Variants in OR7G3 observed in about 807,000 individuals in gnomAD.
The protein encoded by OR7G3 is olfactory receptor 7G3.
For synonymous variants in OR7G3, 143 were observed against 157.6 expected (o/e 0.91, Z 0.69); for missense variants, 352 against 372.1 (o/e 0.95, Z 0.44).
chr19:9,126,664 C>T lies in OR7G3; in HGVS notation c.287G>A (p.Gly96Asp), dbSNP rs751858999. ...GACAAAGCAGATTTGGGTGAGGCAG[C>T]CTGTGTAATTGATGGATTGAGCCTG... ...QAQAQSINYTGCLTQICFVLV... is the reference protein window; with the variant it reads ...QAQAQSINYTDCLTQICFVLV... The change falls in exon 1 of 1, where the codon GGC (glycine) becomes GAC (aspartate). Residue 96 changes from glycine (G) to aspartate (D), a missense_variant. Physicochemically the swap from Gly to Asp is moderately conservative, Grantham distance 94. Coordinates refer to ENST00000305444, the MANE Select transcript of OR7G3 (RefSeq NM_001001958.1). 6.2e-7 allele frequency: 1 copy of T among 1,614,084 alleles called. No individual in the cohort carries two copies. Among genetic ancestry groups the T allele is most frequent in the Non-Finnish European group, 8.5e-7 (1 of 1,180,020 alleles).
chr19:9,126,842 C>T lies in OR7G3; in HGVS notation c.109G>A (p.Ala37Thr). 1 of 1,613,830 alleles carries T rather than the reference C, an allele frequency of 6.2e-7. No individual in the cohort carries two copies. Among genetic ancestry groups the T allele is most frequent in the South Asian group, 1.1e-5 (1 of 91,066 alleles). The change falls in exon 1 of 1, where the codon GCC becomes ACC. Residue 37 changes from alanine (A) to threonine (T), a missense_variant. By Grantham distance (58) the Ala-to-Thr change is moderately conservative. Coordinates refer to ENST00000305444, the MANE Select transcript of OR7G3 (RefSeq NM_001001958.1). Reference protein sequence around the residue: ...LFMLFLSMYLATMLGNLLIIL... With the variant: ...LFMLFLSMYLTTMLGNLLIIL... Reference sequence around the variant, plus strand: ...ATGAGCAGGTTCCCCAGCATTGTGGCCAGGTACATGGACAGGAACAGCATG... The same window carrying T: ...ATGAGCAGGTTCCCCAGCATTGTGGTCAGGTACATGGACAGGAACAGCATG...
In OR7G3 at chr19:9,126,762, G is replaced by A; in HGVS notation, c.189C>T (p.Leu63=). The A allele has an allele frequency of 1.9e-6, 3 of 1,613,934 alleles. No individual in the cohort carries two copies. Among genetic ancestry groups the A allele is most frequent in the Non-Finnish European group, 8.5e-7 (1 of 1,179,878 alleles). ...AGATGTCGACCAAGGACAGGATAGA[G>A]AGGAGGAAGTACATGGGGGTGTGGA... is the stretch of plus-strand genomic sequence containing the variant. ...SHLHTPMYFL[L]SILSLVDICF... is the part of the protein sequence containing the mutation. Residue 63 remains leucine, a synonymous_variant, in exon 1 of 1, where the codon CTC becomes CTT. Transcript: ENST00000305444.
In OR7G3 at chr19:9,126,017, G is replaced by A. The variant is rs758913681; in HGVS notation, c.934C>T (p.His312Tyr). 1.3e-6 allele frequency: 2 copies of A among 1,563,394 alleles called. No individual in the cohort carries two copies. The highest frequency in any genetic ancestry group is 1.7e-6 in the Non-Finnish European group (2 of 1,157,840). ...AAGCCCAAGAAGCTGAGACATCAAT[G>A]GAAAGATGGTATCCTAGATATTAGT... is the stretch of plus-strand genomic sequence containing the variant. Reference protein sequence around the residue: ...RKLISRIPSFH With the variant: ...RKLISRIPSFY The change falls in exon 1 of 1, where the codon CAT becomes TAT. Residue 312 changes from histidine (H) to tyrosine (Y), a missense_variant. His to Tyr is a moderately conservative substitution (Grantham distance 83). Coordinates refer to ENST00000305444, the MANE Select transcript of OR7G3 (RefSeq NM_001001958.1).
Position 9,126,356 on chromosome 19 carries a change from C to A in OR7G3, c.595G>T (p.Val199Leu). ...CCTAACAGGCTGGTCACCAAATACA[C>A]CAGGATGTTATTGATGAGGACATCA... ...CSDVLINNIL[V>L]YLVTSLLGVV... is the part of the protein sequence containing the mutation. Residue 199 changes from valine to leucine, a missense_variant, in exon 1 of 1, where the codon GTG becomes TTG. By Grantham distance (32) the Val-to-Leu change is conservative (BLOSUM62 1). Coordinates refer to ENST00000305444, the MANE Select transcript of OR7G3 (RefSeq NM_001001958.1). 6.2e-7 allele frequency: 1 copy of A among 1,614,024 alleles called. No individual in the cohort carries two copies. The highest frequency in any genetic ancestry group is 8.5e-7 in the Non-Finnish European group (1 of 1,179,942).
Position 9,126,702 on chromosome 19 carries a change from C to T in OR7G3, c.249G>A (p.Val83=), listed in dbSNP as rs748190024. Residue 83 remains valine, a synonymous_variant, in exon 1 of 1, where the codon GTG becomes GTA. Coordinates refer to ENST00000305444, the MANE Select transcript of OR7G3 (RefSeq NM_001001958.1). ...TGGATTGAGCCTGTGCCTGGATGTT[C>T]ACCAGCATCTTGGGCATCGTGGTGG... ...FTSTTMPKML[V]NIQAQAQSIN... 2.5e-6 allele frequency: 4 copies of T among 1,614,130 alleles called. No individual in the cohort carries two copies. Among genetic ancestry groups the T allele is most frequent in the Non-Finnish European group, 3.4e-6 (4 of 1,180,016 alleles).
rs2145924340 is a variant in OR7G3 at position 9,126,311 on chromosome 19, T to C, written c.640A>G (p.Ile214Val). 2 of 1,614,076 alleles carry C rather than the reference T, an allele frequency of 1.2e-6. No individual in the cohort carries two copies. Among genetic ancestry groups the C allele is most frequent in the Non-Finnish European group, 1.7e-6 (2 of 1,180,002 alleles). Residue 214 changes from isoleucine to valine, a missense_variant, in exon 1 of 1, where the codon ATC (isoleucine) becomes GTC (valine). Physicochemically the swap from Ile to Val is conservative, Grantham distance 29 (BLOSUM62 3). Coordinates refer to ENST00000305444, the MANE Select transcript of OR7G3 (RefSeq NM_001001958.1). Reference sequence around the variant, plus strand: ...ACAATTCGTGTGTAAGAGAAAATGATCCCAGAGAGAGGAACAACACCTAAC... The same window carrying C: ...ACAATTCGTGTGTAAGAGAAAATGACCCCAGAGAGAGGAACAACACCTAAC... ...SLLGVVPLSG[I>V]IFSYTRIVSS...
At position 9,126,131 on chromosome 19, in the gene OR7G3, C is replaced by G. The variant is rs544896797; in HGVS notation, c.820G>C (p.Ala274Pro). ...GTGACCACGGTATACATCACTGATG[C>G]TATTGCACCCTTCCTGGAGGAGTGG... is the stretch of plus-strand genomic sequence containing the variant. ...ATHSSRKGAIASVMYTVVTPM... is the reference protein window; with the variant it reads ...ATHSSRKGAIPSVMYTVVTPM... Residue 274 changes from alanine to proline, a missense_variant, in exon 1 of 1, where the codon GCA becomes CCA. Coordinates refer to ENST00000305444, the MANE Select transcript of OR7G3 (RefSeq NM_001001958.1). The G allele has an allele frequency of 2.2e-5, 36 of 1,614,058 alleles. No individual in the cohort carries two copies. The highest frequency in any genetic ancestry group is 3.0e-5 in the Non-Finnish European group (35 of 1,180,016).
rs200054594 is a variant in OR7G3, at chr19:9,126,550, A to C, written c.401T>G (p.Val134Gly). 1 of 1,614,206 alleles carries C rather than the reference A, an allele frequency of 6.2e-7. No homozygotes were observed. Among genetic ancestry groups the C allele is most frequent in the South Asian group, 1.1e-5 (1 of 91,086 alleles). ...CCCACAGAGTTTGGGGTTCATGATG[A>C]CATTGTACCTCAGTGGGTGACAGAT... ...VAICHPLRYN[V>G]IMNPKLCGLL... Residue 134 changes from valine (V) to glycine (G), a missense_variant, in exon 1 of 1, where the codon GTC becomes GGC. By Grantham distance (109) the Val-to-Gly change is moderately radical. Coordinates refer to ENST00000305444, the MANE Select transcript of OR7G3 (RefSeq NM_001001958.1).
chr19:9,126,808 G>T lies in OR7G3; in HGVS notation c.143C>A (p.Ala48Asp), dbSNP rs1357014022. The T allele has an allele frequency of 1.2e-6, 2 of 1,613,898 alleles. No individual in the cohort carries two copies. The highest frequency in any genetic ancestry group is 1.7e-6 in the Non-Finnish European group (2 of 1,180,018). The change falls in exon 1 of 1, where the codon GCC becomes GAC. Residue 48 changes from alanine (A) to aspartate (D), a missense_variant. Physicochemically the swap from Ala to Asp is moderately radical, Grantham distance 126. Transcript: ENST00000305444. ...GTGGAGGTGGGAGTCAGAGTTGACG[G>T]CCAGGATGATGAGCAGGTTCCCCAG... Reference protein sequence around the residue: ...TMLGNLLIILAVNSDSHLHTP... With the variant: ...TMLGNLLIILDVNSDSHLHTP...
In OR7G3 at chr19:9,126,889, G is replaced by A. The variant is rs779226005; in HGVS notation, c.62C>T (p.Pro21Leu). The A allele has an allele frequency of 4.5e-5, 73 of 1,610,968 alleles. No homozygotes were observed. The Admixed American group carries it at 9.4e-4, about 21-fold the overall frequency. Reference sequence around the variant, plus strand: ...CATGAAGAGGATGGGCTGCAGCTCCGGATCCCCTGACAATCCCAAGAGAAA... The same window carrying A: ...CATGAAGAGGATGGGCTGCAGCTCCAGATCCCCTGACAATCCCAAGAGAAA... ...EFFLLGLSGD[P>L]ELQPILFMLF... The change falls in exon 1 of 1, where the codon CCG (proline) becomes CTG (leucine). Residue 21 changes from proline (P) to leucine (L), a missense_variant. Coordinates refer to ENST00000305444, the MANE Select transcript of OR7G3 (RefSeq NM_001001958.1).
Position 9,126,468 on chromosome 19 carries a change from C to T in OR7G3, c.483G>A (p.Leu161=), listed in dbSNP as rs1190539744. 6.2e-7 allele frequency: 1 copy of T among 1,614,092 alleles called. No individual in the cohort carries two copies. Among genetic ancestry groups the T allele is most frequent in the Non-Finnish European group, 8.5e-7 (1 of 1,179,960 alleles). The stretch of plus-strand genomic sequence containing the variant: ...TGCAGAAGGTCAGCTGTAGCACCAT[C>T]AACGTGTGCAGCAGAGCATCCAGGA... ...VSVLDALLHT[L]MVLQLTFCID... The change falls in exon 1 of 1, where the codon TTG becomes TTA. Residue 161 remains leucine, a synonymous_variant. Transcript: ENST00000305444.
rs1165122359 is a variant in OR7G3 at position 9,126,791 on chromosome 19, G to A, written c.160C>T (p.His54Tyr). ...LIILAVNSDS[H>Y]LHTPMYFLLS... is the part of the protein sequence containing the mutation. ...AGGAAGTACATGGGGGTGTGGAGGT[G>A]GGAGTCAGAGTTGACGGCCAGGATG... Residue 54 changes from histidine (H) to tyrosine (Y), a missense_variant, in exon 1 of 1, where the codon CAC (histidine) becomes TAC (tyrosine). Coordinates refer to ENST00000305444, the MANE Select transcript of OR7G3 (RefSeq NM_001001958.1). 5.0e-6 allele frequency: 8 copies of A among 1,613,882 alleles called. No individual in the cohort carries two copies. The African/African-American group carries it at 5.3e-5, about 11-fold the overall frequency.
Position 9,126,879 on chromosome 19 carries a change from C to T in OR7G3, c.72G>A (p.Gln24=), listed in dbSNP as rs1205500177. 2.5e-6 allele frequency: 4 copies of T among 1,612,912 alleles called. No homozygotes were observed. The highest frequency in any genetic ancestry group is 3.4e-6 in the Non-Finnish European group (4 of 1,179,372). The change falls in exon 1 of 1, where the codon CAG becomes CAA. Residue 24 remains glutamine (Q), a synonymous_variant. Coordinates refer to ENST00000305444, the MANE Select transcript of OR7G3 (RefSeq NM_001001958.1). The stretch of plus-strand genomic sequence containing the variant: ...ACAGGAACAGCATGAAGAGGATGGG[C>T]TGCAGCTCCGGATCCCCTGACAATC... ...LLGLSGDPEL[Q]PILFMLFLSM...
chr19:9,126,585 T>C lies in OR7G3; in HGVS notation c.366A>G (p.Arg122=), dbSNP rs770385676. The C allele has an allele frequency of 6.2e-7, 1 of 1,614,028 alleles. No homozygotes were observed. The highest frequency in any genetic ancestry group is 8.5e-7 in the Non-Finnish European group (1 of 1,180,020). ...NGILVMMAYD[R]FVAICHPLRY... is the part of the protein sequence containing the mutation. ...TCAGTGGGTGACAGATGGCCACAAATCGATCATAGGCCATCATGACCAGAA... is the reference window on the plus strand; with the variant it reads ...TCAGTGGGTGACAGATGGCCACAAACCGATCATAGGCCATCATGACCAGAA... Residue 122 remains arginine, a synonymous_variant, in exon 1 of 1, where the codon CGA becomes CGG. Transcript: ENST00000305444.
Position 9,126,688 on chromosome 19 carries a change from T to G in OR7G3, c.263A>C (p.Gln88Pro). ...MPKMLVNIQA[Q>P]AQSINYTGCL... ...GCCTGTGTAATTGATGGATTGAGCC[T>G]GTGCCTGGATGTTCACCAGCATCTT... The change falls in exon 1 of 1, where the codon CAG becomes CCG. Residue 88 changes from glutamine to proline, a missense_variant. By Grantham distance (76) the Gln-to-Pro change is moderately conservative (BLOSUM62 -1). Transcript: ENST00000305444. 1 of 1,614,176 alleles carries G rather than the reference T, an allele frequency of 6.2e-7. No homozygotes were observed. Among genetic ancestry groups the G allele is most frequent in the Non-Finnish European group, 8.5e-7 (1 of 1,180,024 alleles).
rs1327054168 is a variant in OR7G3, at chr19:9,126,100, A to T, written c.851T>A (p.Met284Lys). 1 of 1,614,152 alleles carries T rather than the reference A, an allele frequency of 6.2e-7. No individual in the cohort carries two copies. The highest frequency in any genetic ancestry group is 8.5e-7 in the Non-Finnish European group (1 of 1,180,026). The change falls in exon 1 of 1, where the codon ATG (methionine) becomes AAG (lysine). Residue 284 changes from methionine (M) to lysine (K), a missense_variant. Met to Lys is a moderately conservative substitution (Grantham distance 95, BLOSUM62 -1). Transcript: ENST00000305444. ...ASVMYTVVTP[M>K]LNPLIYSLRN... ...CAGGCTGTAAATGAGTGGGTTCAGCATGGGGGTGACCACGGTATACATCAC... is the reference window on the plus strand; with the variant it reads ...CAGGCTGTAAATGAGTGGGTTCAGCTTGGGGGTGACCACGGTATACATCAC...
rs947857290 is a variant in OR7G3 at position 9,126,816 on chromosome 19, G to A, written c.135C>T (p.Ile45=). 1 of 1,614,080 alleles carries A rather than the reference G, an allele frequency of 6.2e-7. No homozygotes were observed. Among genetic ancestry groups the A allele is most frequent in the East Asian group, 2.2e-5 (1 of 44,866 alleles). The change falls in exon 1 of 1, where the codon ATC becomes ATT. Residue 45 remains isoleucine, a synonymous_variant. Transcript: ENST00000305444. The part of the protein sequence containing the change: ...YLATMLGNLL[I]ILAVNSDSHL... ...GGGAGTCAGAGTTGACGGCCAGGAT[G>A]ATGAGCAGGTTCCCCAGCATTGTGG...
chr19:9,126,411 T>G lies in OR7G3; in HGVS notation c.540A>C (p.Glu180Asp). 6.2e-7 allele frequency: 1 copy of G among 1,614,022 alleles called. No homozygotes were observed. The highest frequency in any genetic ancestry group is 1.7e-5 in the Admixed American group (1 of 59,998). Residue 180 changes from glutamate to aspartate, a missense_variant, in exon 1 of 1, where the codon GAA becomes GAC. Transcript: ENST00000305444. ...IDLEIPHFFC[E>D]LAHILKLACS... The stretch of plus-strand genomic sequence containing the variant: ...AGGCGAGCTTGAGAATATGAGCTAG[T>G]TCACAGAAAAAGTGGGGAATTTCCA...
chr19:9,126,830 C>G lies in OR7G3; in HGVS notation c.121G>C (p.Gly41Arg). 6.2e-7 allele frequency: 1 copy of G among 1,613,904 alleles called. No homozygotes were observed. The highest frequency in any genetic ancestry group is 8.5e-7 in the Non-Finnish European group (1 of 1,179,978). ...ACGGCCAGGATGATGAGCAGGTTCCCCAGCATTGTGGCCAGGTACATGGAC... is the reference window on the plus strand; with the variant it reads ...ACGGCCAGGATGATGAGCAGGTTCCGCAGCATTGTGGCCAGGTACATGGAC... ...FLSMYLATML[G>R]NLLIILAVNS... Residue 41 changes from glycine (G) to arginine (R), a missense_variant, in exon 1 of 1, where the codon GGG becomes CGG. Transcript: ENST00000305444.
Sources: gnomAD v4.1 joint callset for allele counts on GRCh38, gnomAD v4.1.1 for gene constraint, MANE v1.5 for transcripts, NCBI Gene and HGNC (gene_info 2026-07-23, HGNC 2026-07-21) for gene names.